The following PAFAH1B2 variants were observed in gnomAD, a reference collection of about 807,000 sequenced individuals.
PAFAH1B2 encodes platelet activating factor acetylhydrolase 1b catalytic subunit 2.
In PAFAH1B2, 8 loss-of-function variants were observed where a neutral mutation model predicts 28.0. The ratio of observed to expected loss-of-function variants is 0.29; its 90% CI spans 0.17 to 0.52. The LOEUF (loss-of-function observed/expected upper bound fraction) is 0.52. PAFAH1B2 is among the 20% of genes least tolerant of loss of function. The pLI is 0.97. For synonymous variants in PAFAH1B2, 104 were observed against 103.2 expected, an observed-to-expected ratio of 1.01 and a Z score of -0.05; for missense variants, 190 against 282.6, an observed-to-expected ratio of 0.67 and a Z score of 2.35.
At chr11:117,171,499 G>A, downstream of PAFAH1B2, 1 of 567,088 alleles carries the variant, frequency 1.8e-6, no homozygotes, top group Non-Finnish European at 3.2e-6. Flanking sequence ...TTGCGCCATT[G>A]CACTCCAGCC....
At chr11:117,158,747 C>T (rs1023196031) in intron 2 of PAFAH1B2, among the ~76,000 whole-genome samples, 3 of 148,940 alleles carry the variant, frequency 2.0e-5, no homozygotes, top group African/African-American at 2.5e-5. Context: ...CAGGTTCAGG[C>T]GATTCTCCTC....
At chr11:117,152,891 T>G (rs1956183358) in intron 2 of PAFAH1B2, among the ~76,000 whole-genome samples, 1 of 152,096 alleles carries the variant, frequency 6.6e-6, no homozygotes, top group Non-Finnish European at 1.5e-5. Context: ...GCCAATATGG[T>G]GAAACCCGTC....
At chr11:117,145,867 A>T (rs1299585152) in intron 1 of PAFAH1B2, among the ~76,000 whole-genome samples, 2 of 152,196 alleles carry the variant, frequency 1.3e-5, no homozygotes, top group African/African-American at 4.8e-5. Flanking sequence ...TTGTTGTTGG[A>T]CGTGGTTTCT....
At chr11:117,159,374 C>G (rs1956320068) in intron 2 of PAFAH1B2, 1 of 152,160 alleles carries the variant, frequency 6.6e-6, no homozygotes, top group African/African-American at 2.4e-5. Flanking sequence ...ACTGGTTGAA[C>G]AGCTGTTCTT....
chr11:117,155,633 C>T lies in PAFAH1B2; in HGVS notation c.81+3105C>T, dbSNP rs11216298. 5.2e-3 allele frequency among the ~76,000 whole-genome samples: 792 copies of T among 152,084 alleles called. 11 individuals are homozygous for T. Among genetic ancestry groups the T allele is most frequent in the African/African-American group, 0.018 (729 of 41,482 alleles). Reference sequence around the variant, plus strand: ...TTTTGTTGAGAATTTGGAAATATGTCCAAAATCCATAAAAATACTGATTTA... The same window carrying T: ...TTTTGTTGAGAATTTGGAAATATGTTCAAAATCCATAAAAATACTGATTTA... On this transcript the variant is annotated intron_variant, in intron 2 of 5. Transcript: ENST00000527958.
intron 1 of PAFAH1B2, among the ~76,000 whole-genome samples, chr11:117,145,698 T>C (rs571183446): frequency 2.6e-5 from 4 of 152,230 alleles, no homozygotes; most frequent in Non-Finnish European, 5.9e-5. Flanking sequence ...AGGGCCGCCT[T>C]CTTCTTCAGA....
intron 3 of PAFAH1B2, among the ~76,000 whole-genome samples, chr11:117,160,229 A>G: frequency 6.6e-6 from 1 of 152,298 alleles, no homozygotes; most frequent in African/African-American, 2.4e-5. Context: ...ATTGTTTATA[A>G]TGAAACTTCC....
At chr11:117,175,249 C>T, downstream of PAFAH1B2, 7 of 1,084,326 alleles carry the variant, frequency 6.5e-6, no homozygotes, top group Non-Finnish European at 6.7e-6. Flanking sequence ...CCCTGAGGCC[C>T]CGACATCTCC....
At chr11:117,154,742 C>T (rs967754590) in intron 2 of PAFAH1B2, among the ~76,000 whole-genome samples, 1 of 152,110 alleles carries the variant, frequency 6.6e-6, no homozygotes. Context: ...CCGTGCCTGA[C>T]TTTAAAAATC....
intron 2 of PAFAH1B2, among the ~76,000 whole-genome samples, chr11:117,153,979 C>T (rs1391626339): frequency 1.3e-5 from 2 of 150,076 alleles, no homozygotes; most frequent in Non-Finnish European, 3.0e-5. Context: ...GCCTGTAATC[C>T]CAGCACGTTA....
At chr11:117,149,033 A>ATTTTTTTTTTT (rs71037462) in intron 1 of PAFAH1B2, among the ~76,000 whole-genome samples, 8 of 118,626 alleles carry the variant, frequency 6.7e-5, no homozygotes, top group East Asian at 2.3e-4. Flanking sequence ...ACACCTGCCA[A>ATTTTTTTTTTT]TTTTTTTTTT....
At chr11:117,156,162 C>T (rs761301209) in intron 2 of PAFAH1B2, among the ~76,000 whole-genome samples, 6 of 152,134 alleles carry the variant, frequency 3.9e-5, no homozygotes, top group South Asian at 2.1e-4. Flanking sequence ...ACTCCACCCT[C>T]GGTGACGGAG....
Position 117,148,816 on chromosome 11 carries a change from A to G in PAFAH1B2, c.-7-3625A>G, listed in dbSNP as rs190593671. Among the ~76,000 whole-genome samples, 4 of 152,020 alleles carry G rather than the reference A, an allele frequency of 2.6e-5. No individual in the cohort carries two copies. In the East Asian group the frequency reaches 5.8e-4, roughly 22 times the overall value. On this transcript the variant is annotated intron_variant, in intron 1 of 5. Coordinates refer to ENST00000527958, the MANE Select transcript of PAFAH1B2 (RefSeq NM_002572.4). ...TCATTGGTCTTGAAAGAGTGTGTGTATGCACCTCTGGGGATGCATAAGATG... is the reference window on the plus strand; with the variant it reads ...TCATTGGTCTTGAAAGAGTGTGTGTGTGCACCTCTGGGGATGCATAAGATG...
chr11:117,170,008 T>C lies in PAFAH1B2; in HGVS notation c.*2309T>C, dbSNP rs11540101. Reference sequence around the variant, plus strand: ...TACTACATTTTATATCTACCAGAGCTATTCAAGCAATAGTATTTGAACCAC... The same window carrying C: ...TACTACATTTTATATCTACCAGAGCCATTCAAGCAATAGTATTTGAACCAC... On this transcript the variant is annotated 3_prime_UTR_variant, in exon 6 of 6. Transcript: ENST00000527958. The C allele has an allele frequency of 5.6e-3, 5,892 of 1,055,014 alleles. 27 individuals are homozygous for C. The highest frequency in any genetic ancestry group is 6.8e-3 in the Middle Eastern group (16 of 2,346). 65.4% of individuals were successfully genotyped at this position (1,055,014 alleles called of 1,614,324 possible).
chr11:117,170,506 C>T lies in PAFAH1B2; in HGVS notation c.*2807C>T, dbSNP rs114732975. The T allele has an allele frequency of 1.5e-3, 1,625 of 1,058,856 alleles. 19 individuals are homozygous for T. In the African/African-American group the frequency reaches 0.023, roughly 15 times the overall value. 65.6% of individuals were successfully genotyped at this position (1,058,856 alleles called of 1,614,324 possible). A position where few individuals can be genotyped will look rare whatever the true frequency, so the allele number is the denominator to read the frequency against. ...CCGTAGACAGCGCTCTGGCTACCACCGTGAGGCTACTTGAACTGTCAGGGG... is the reference window on the plus strand; with the variant it reads ...CCGTAGACAGCGCTCTGGCTACCACTGTGAGGCTACTTGAACTGTCAGGGG... On this transcript the variant is annotated 3_prime_UTR_variant, in exon 6 of 6. Transcript: ENST00000527958.
At chr11:117,158,540 T>A (rs1457280336) in intron 2 of PAFAH1B2, among the ~76,000 whole-genome samples, 1 of 152,136 alleles carries the variant, frequency 6.6e-6, no homozygotes, top group Non-Finnish European at 1.5e-5. Flanking sequence ...GGATCATAGT[T>A]GAGAAAATGA....
At chr11:117,172,689 T>G (rs938959753), downstream of PAFAH1B2, among the ~76,000 whole-genome samples, 2 of 152,148 alleles carry the variant, frequency 1.3e-5, no homozygotes, top group Non-Finnish European at 2.9e-5. Flanking sequence ...CTTACCCCTT[T>G]GCTGGTCTAG....
chr11:117,175,422 G>C, downstream of PAFAH1B2: 2 of 1,062,478 alleles, frequency 1.9e-6, no homozygotes, highest in South Asian at 4.5e-5. Flanking sequence ...TGCAGACCTG[G>C]GAACAGCAAG....
At position 117,161,261 on chromosome 11, in the gene PAFAH1B2, GGTGAAATGAAA is replaced by G; in HGVS notation, c.288+3_288+13del. ...GAGAACTGGAGAATATTAAGCCTAA[GGTGAAATGAAA>G]GTTACTTGTCAATGTCATTAATCTT... On this transcript the variant is annotated splice_donor_variant and splice_donor_5th_base_variant and intron_variant, in intron 4 of 5. Coordinates refer to ENST00000527958, the MANE Select transcript of PAFAH1B2 (RefSeq NM_002572.4). LOFTEE classifies it high-confidence loss of function. 6.7e-7 allele frequency: 1 copy of G among 1,499,192 alleles called. No individual in the cohort carries two copies. Among genetic ancestry groups the G allele is most frequent in the Non-Finnish European group, 9.0e-7 (1 of 1,109,436 alleles). The allele number at this position is 1,499,192 out of a possible 1,614,324, so 92.9% of individuals were successfully genotyped here. A position where few individuals can be genotyped will look rare whatever the true frequency, so the allele number is the denominator to read the frequency against.
Sources: gnomAD v4.1 joint callset for allele counts (sites outside exome capture counted in the v4.1 genomes callset) on GRCh38, gnomAD v4.1.1 for gene constraint, MANE v1.5 for transcripts, NCBI Gene and HGNC (gene_info 2026-07-23, HGNC 2026-07-21) for gene names.